The following RETREG1 variants were observed in gnomAD, a reference collection of about 807,000 sequenced individuals.
RETREG1 encodes family with sequence similarity 134 member B.
RETREG1 carries 44 observed loss-of-function variants against 54.8 expected under a neutral mutation model. That is an observed-to-expected ratio of 0.80 (90% confidence interval 0.63 to 1.03). The LOEUF is 1.03. RETREG1 is among the 50% of genes least tolerant of loss of function. RETREG1 has a pLI of 0.00. For synonymous variants in RETREG1, 217 were observed against 238.5 expected, an observed-to-expected ratio of 0.91 and a Z score of 0.83; for missense variants, 554 against 605.1, an observed-to-expected ratio of 0.92 and a Z score of 0.89.
chr5:16,497,583 C>T (rs1467669317), intron 3 of RETREG1, among the ~76,000 whole-genome samples: 2 of 152,110 alleles, frequency 1.3e-5, no homozygotes, highest in Non-Finnish European at 2.9e-5. Flanking sequence ...TAACAGGGGT[C>T]GGGGGCAGAT....
rs1739325796 is a variant in RETREG1 at position 16,493,295 on chromosome 5, CAAGTAT to C, written c.459-9829_459-9824del. On this transcript the variant is annotated intron_variant, in intron 3 of 8. Transcript: ENST00000306320. ...TTTCAAGTTTCTATGAACAAGATGC[CAAGTAT>C]AAGTCATTTTTCAGCGTTTTTAATT... is the stretch of plus-strand genomic sequence containing the variant. Among the ~76,000 whole-genome samples the C allele has an allele frequency of 7.9e-5, 12 of 152,212 alleles. 1 individual carries two copies. The South Asian group carries it at 2.5e-3, about 32-fold the overall frequency.
intron 8 of RETREG1, 59 bp downstream of exon 8, chr5:16,477,600 CAGA>C: frequency 2.7e-6 from 4 of 1,489,132 alleles, no homozygotes; most frequent in Non-Finnish European, 3.7e-6. Context: ...CAGTATTTGA[CAGA>C]AGTTCAATAG....
intron 1 of RETREG1, among the ~76,000 whole-genome samples, chr5:16,587,065 C>A (rs1028435002): frequency 5.3e-5 from 8 of 152,172 alleles, no homozygotes; most frequent in East Asian, 3.9e-4. Flanking sequence ...GGGGTTTCAA[C>A]ATAAGAATGC....
intron 5 of RETREG1, among the ~76,000 whole-genome samples, chr5:16,479,287 T>G (rs1738671563): frequency 6.6e-6 from 1 of 152,054 alleles, no homozygotes; most frequent in African/African-American, 2.4e-5. Flanking sequence ...TACCCACACT[T>G]ACACAATGCT....
chr5:16,576,315 A>G (rs1355205301), intron 1 of RETREG1, among the ~76,000 whole-genome samples: 1 of 126,140 alleles, frequency 7.9e-6, no homozygotes, highest in Admixed American at 8.3e-5. Flanking sequence ...TTTTTTTGAG[A>G]TGGAGTCTTG....
At position 16,561,810 on chromosome 5, in the gene RETREG1, T is replaced by C. The variant is rs1050002046; in HGVS notation, c.458+3953A>G. ...CAAATTTTAGATGCATTCAGAAGGG[T>C]TGTGGGTGCAAGAAAGAAGGGGAGA... On this transcript the variant is annotated intron_variant, in intron 3 of 8. Transcript: ENST00000306320. The surrounding 1 kb of genome is among the most constrained non-coding windows in gnomAD (Gnocchi z 4.2). Among the ~76,000 whole-genome samples, 2 of 152,116 alleles carry C rather than the reference T, an allele frequency of 1.3e-5. No individual in the cohort carries two copies. Among genetic ancestry groups the C allele is most frequent in the African/African-American group, 4.8e-5 (2 of 41,416 alleles).
chr5:16,510,246 T>C (rs1051526883), intron 3 of RETREG1, among the ~76,000 whole-genome samples: 2 of 152,156 alleles, frequency 1.3e-5, no homozygotes, highest in African/African-American at 4.8e-5. Context: ...GCATTTCATA[T>C]TTTACGCAAG....
intron 1 of RETREG1, among the ~76,000 whole-genome samples, chr5:16,614,469 A>G (rs75184202): frequency 0.027 from 4,082 of 152,332 alleles, 185 homozygotes; most frequent in African/African-American, 0.093. Flanking sequence ...ATTTTGGGAT[A>G]GTCTTTTTCA....
chr5:16,600,132 C>T (rs1049844506), intron 1 of RETREG1, among the ~76,000 whole-genome samples: 6 of 152,162 alleles, frequency 3.9e-5, no homozygotes, highest in Non-Finnish European at 5.9e-5. Flanking sequence ...TCCTGAGCAG[C>T]TGGGATTACA....
chr5:16,488,603 G>C (rs1163188550), intron 3 of RETREG1, among the ~76,000 whole-genome samples: 1 of 152,156 alleles, frequency 6.6e-6, no homozygotes, highest in African/African-American at 2.4e-5. Flanking sequence ...CCGGAGGCCA[G>C]GAAAGAGCCA....
At chr5:16,541,739 GGGAA>G (rs59287809) in intron 3 of RETREG1, among the ~76,000 whole-genome samples, 14,616 of 102,026 alleles carry the variant, frequency 0.14, 1,104 homozygotes, top group East Asian at 0.23. Context: ...GAGGGAGGGA[GGGAA>G]GGAAGGAAGG....
At position 16,541,480 on chromosome 5, in the gene RETREG1, A is replaced by G. The variant is rs1741242019; in HGVS notation, c.458+24283T>C. On this transcript the variant is annotated intron_variant, in intron 3 of 8. Transcript: ENST00000306320. ...AGAGGCGGCGGATCTCAAGGTCAGG[A>G]GTTCGAGACCAGCCTGGCCAATATG... is the stretch of plus-strand genomic sequence containing the variant. Among the ~76,000 whole-genome samples the G allele has an allele frequency of 3.3e-5, 5 of 152,196 alleles. No homozygotes were observed. In the South Asian group the frequency reaches 1.0e-3, roughly 31 times the overall value.
intron 1 of RETREG1, among the ~76,000 whole-genome samples, chr5:16,588,223 G>T (rs1268456437): frequency 6.6e-6 from 1 of 152,218 alleles, no homozygotes; most frequent in Non-Finnish European, 1.5e-5. Context: ...GCTGTCTGCA[G>T]GTTTGGTTTT....
At chr5:16,557,514 TCTGAGCAG>T (rs1398141719) in intron 3 of RETREG1, among the ~76,000 whole-genome samples, 6 of 152,236 alleles carry the variant, frequency 3.9e-5, no homozygotes, top group Admixed American at 3.9e-4. Flanking sequence ...TCAGACCAAA[TCTGAGCAG>T]CTCTGGCTAA....
chr5:16,489,162 A>T lies in RETREG1; in HGVS notation c.459-5690T>A, dbSNP rs28675194. Among the ~76,000 whole-genome samples the T allele has an allele frequency of 4.6e-3, 686 of 150,226 alleles. 7 individuals are homozygous for T. The highest frequency in any genetic ancestry group is 0.015 in the African/African-American group (637 of 41,142). On this transcript the variant is annotated intron_variant, in intron 3 of 8. Coordinates refer to ENST00000306320, the MANE Select transcript of RETREG1 (RefSeq NM_001034850.3). Reference sequence around the variant, plus strand: ...CTGATTTTAAGTGATTCAACCGCCAACTGTAGGATACAAAGTGGTGAGTTT... The same window carrying T: ...CTGATTTTAAGTGATTCAACCGCCATCTGTAGGATACAAAGTGGTGAGTTT...
intron 1 of RETREG1, among the ~76,000 whole-genome samples, chr5:16,599,409 A>G (rs1477377405): frequency 6.6e-6 from 1 of 152,198 alleles, no homozygotes; most frequent in Non-Finnish European, 1.5e-5. Context: ...TTTAAAATCT[A>G]TAAAGTGCTG....
intron 3 of RETREG1, among the ~76,000 whole-genome samples, chr5:16,488,046 T>A (rs1243551003): frequency 6.6e-6 from 1 of 152,078 alleles, no homozygotes; most frequent in Admixed American, 6.6e-5. Flanking sequence ...CAGGCCTGGG[T>A]GAGGCTCAGA....
intron 3 of RETREG1, chr5:16,508,455 G>A (rs1740047132): frequency 4.3e-6 from 4 of 940,628 alleles, no homozygotes; most frequent in African/African-American, 1.6e-5. Context: ...GGAATTAAAG[G>A]ACTGCATTCT....
At chr5:16,615,399 CAAAAAAA>C in intron 1 of RETREG1, among the ~76,000 whole-genome samples, 1 of 92,824 alleles carries the variant, frequency 1.1e-5, no homozygotes, top group Non-Finnish European at 2.2e-5. Flanking sequence ...GACTCCATCT[CAAAAAAA>C]AAAAAAAAAG....
Sources: gnomAD v4.1 joint callset for allele counts (sites outside exome capture counted in the v4.1 genomes callset) on GRCh38, gnomAD v4.1.1 for gene constraint, Gnocchi (gnomAD v3.1) non-coding constraint, MANE v1.5 for transcripts, NCBI Gene and HGNC (gene_info 2026-07-23, HGNC 2026-07-21) for gene names.